POGLUT2: variants seen among roughly 807,000 people sequenced by gnomAD.
POGLUT2 encodes the protein protein O-glucosyltransferase 2, also known as ER protein 58.
In POGLUT2, 47 loss-of-function variants were observed where a neutral mutation model predicts 57.6. The observed-to-expected ratio is 0.82, with a 90% confidence interval of 0.65 to 1.04. The LOEUF is 1.04. POGLUT2 is among the 50% of genes least tolerant of loss of function. POGLUT2 has a pLI of 0.00. For synonymous variants in POGLUT2, 200 were observed against 218.8 expected (o/e 0.91, Z 0.76); for missense variants, 565 against 614.8 (o/e 0.92, Z 0.86).
chr13:102,791,189 G>A (rs749387086), intron 5 of POGLUT2, 51 bp from the exon 6 acceptor site: 1 of 1,605,962 alleles, frequency 6.2e-7, no homozygotes, highest in African/African-American at 1.3e-5. Flanking sequence ...ATATCACAAA[G>A]GTTGTTGCAA....
In POGLUT2 at chr13:102,789,343, C is replaced by T. The variant is rs1878081872; in HGVS notation, c.1084-122G>A. 11 of 754,964 alleles carry T rather than the reference C, an allele frequency of 1.5e-5. No homozygotes were observed. The South Asian group carries it at 1.7e-4, about 12-fold the overall frequency. 46.8% of individuals were successfully genotyped at this position (754,964 alleles called of 1,614,324 possible). ...AGACACAATTTGGTCAGCTTCCACG[C>T]TCTGCCTTTGCCGTTTAGTAAGTGT... On this transcript the variant is annotated intron_variant, in intron 6 of 9. Coordinates refer to ENST00000376004, the MANE Select transcript of POGLUT2 (RefSeq NM_024089.3).
intron 7 of POGLUT2, 75 bp downstream of exon 7, chr13:102,788,937 G>T (rs1270915794): frequency 2.0e-5 from 25 of 1,262,374 alleles, no homozygotes; most frequent in Non-Finnish European, 2.9e-5. Flanking sequence ...ATGCTCTCCA[G>T]GTACAATACA....
At chr13:102,797,431 T>C (rs1878453907) in intron 1 of POGLUT2, among the ~76,000 whole-genome samples, 1 of 152,188 alleles carries the variant, frequency 6.6e-6, no homozygotes, top group African/African-American at 2.4e-5. Flanking sequence ...ATATCAGTAT[T>C]ATAAATCACG....
At chr13:102,797,480 C>A (rs575900792) in intron 1 of POGLUT2, among the ~76,000 whole-genome samples, 1 of 152,304 alleles carries the variant, frequency 6.6e-6, no homozygotes, top group South Asian at 2.1e-4. Context: ...ACTATCTCAA[C>A]ATCTTGGGAG....
intron 8 of POGLUT2, among the ~76,000 whole-genome samples, chr13:102,786,700 G>A (rs1177900653): frequency 1.3e-5 from 2 of 152,110 alleles, no homozygotes; most frequent in Non-Finnish European, 2.9e-5. Flanking sequence ...GCTTGCACAA[G>A]CCTCCATCAT....
At chr13:102,788,037 C>A in intron 7 of POGLUT2, 114 bp from the exon 8 acceptor site, 1 of 571,682 alleles carries the variant, frequency 1.7e-6, no homozygotes, top group Non-Finnish European at 3.2e-6. Flanking sequence ...GAAATAATAT[C>A]TTTGGGGGTA....
Position 102,797,949 on chromosome 13 carries a change from T to C in POGLUT2, c.182+540A>G, listed in dbSNP as rs1007334433. Among the ~76,000 whole-genome samples the C allele has an allele frequency of 3.3e-5, 5 of 152,240 alleles. No homozygotes were observed. In the East Asian group the frequency reaches 9.6e-4, roughly 29 times the overall value. ...GTATAGGAATTATAAAAATAAGTTT[T>C]AAGTATGATGTTAAAGTATTAAATT... On this transcript the variant is annotated intron_variant, in intron 1 of 9. Coordinates refer to ENST00000376004, the MANE Select transcript of POGLUT2 (RefSeq NM_024089.3).
chr13:102,795,179 G>A (rs9557931), intron 2 of POGLUT2, among the ~76,000 whole-genome samples: 33,623 of 149,194 alleles, frequency 0.23, 4,119 homozygotes, highest in East Asian at 0.4. Context: ...TTGAACCCGG[G>A]AGGCAGAGCT....
At chr13:102,786,599 G>A (rs890988230) in intron 8 of POGLUT2, among the ~76,000 whole-genome samples, 4 of 150,290 alleles carry the variant, frequency 2.7e-5, no homozygotes, top group South Asian at 2.1e-4. Flanking sequence ...TTTTTTAACC[G>A]TCTTCTGCCT....
chr13:102,794,912 T>C (rs958336312), intron 2 of POGLUT2, among the ~76,000 whole-genome samples: 1 of 148,994 alleles, frequency 6.7e-6, no homozygotes, highest in African/African-American at 2.5e-5. Context: ...ACAGCAAAAA[T>C]AAACAAGGAA....
intron 9 of POGLUT2, among the ~76,000 whole-genome samples, chr13:102,785,609 G>A (rs531400088): frequency 6.6e-6 from 1 of 152,262 alleles, no homozygotes; most frequent in East Asian, 1.9e-4. Flanking sequence ...GATGATGAGA[G>A]ATTGGTTTTT....
chr13:102,793,506 T>C, intron 3 of POGLUT2, 88 bp from the exon 4 acceptor site: 4 of 1,339,426 alleles, frequency 3.0e-6, no homozygotes, highest in Non-Finnish European at 3.2e-6. Context: ...CTCATTCGAA[T>C]GATGTTTATA....
chr13:102,789,497 G>A (rs573376804), intron 6 of POGLUT2, among the ~76,000 whole-genome samples: 1 of 152,328 alleles, frequency 6.6e-6, no homozygotes, highest in African/African-American at 2.4e-5. Context: ...GCAACATAAG[G>A]AAGGATGGAT....
At chr13:102,784,581 G>A (rs537044094) in intron 9 of POGLUT2, 69 bp from the exon 10 acceptor site, 37 of 936,198 alleles carry the variant, frequency 4.0e-5, no homozygotes, top group East Asian at 3.2e-4. Context: ...ACTTACATTC[G>A]TTAATTATTT....
Position 102,798,526 on chromosome 13 carries a change from A to C in POGLUT2, c.145T>G (p.Tyr49Asp), listed in dbSNP as rs762207444. The part of the protein sequence containing the change: ...LKADVVLPAR[Y>D]FYIQAVDTSG... Reference sequence around the variant, plus strand: ...GTATCCACTGCCTGAATATAGAAATAGCGGGCGGGAAGGACGACGTCTGCT... The same window carrying C: ...GTATCCACTGCCTGAATATAGAAATCGCGGGCGGGAAGGACGACGTCTGCT... The change falls in exon 1 of 10, where the codon TAT (tyrosine) becomes GAT (aspartate). Residue 49 changes from tyrosine (Y) to aspartate (D), a missense_variant. Transcript: ENST00000376004. 2 of 1,612,224 alleles carry C rather than the reference A, an allele frequency of 1.2e-6. No individual in the cohort carries two copies. Among genetic ancestry groups the C allele is most frequent in the Non-Finnish European group, 1.7e-6 (2 of 1,179,186 alleles).
intron 4 of POGLUT2, chr13:102,792,230 A>T (rs1402171198): frequency 3.3e-6 from 1 of 307,266 alleles, no homozygotes; most frequent in African/African-American, 2.3e-5. Flanking sequence ...ATATACATGC[A>T]AATTATTCAA....
intron 1 of POGLUT2, among the ~76,000 whole-genome samples, chr13:102,797,395 A>C (rs1429194980): frequency 6.6e-6 from 1 of 152,170 alleles, no homozygotes; most frequent in East Asian, 1.9e-4. Context: ...CTTATTTTGA[A>C]AAATCTCTGC....
At chr13:102,790,533 T>C (rs1167581272) in intron 6 of POGLUT2, among the ~76,000 whole-genome samples, 6 of 152,360 alleles carry the variant, frequency 3.9e-5, no homozygotes, top group Middle Eastern at 3.4e-3. Flanking sequence ...AAGTAGTTTA[T>C]ATCTTCCTTA....
Position 102,798,802 on chromosome 13 carries a change from C to A in POGLUT2, c.-132G>T. The A allele has an allele frequency of 2.1e-6, 2 of 964,794 alleles. No homozygotes were observed. The highest frequency in any genetic ancestry group is 2.8e-5 in the East Asian group (1 of 35,290). The allele number at this position is 964,794 out of a possible 1,614,324, so 59.8% of individuals were successfully genotyped here. ...CAACGCGACTGCAAAGGTTGCCGCCCGGCGTGCAGGGCAGGCGCGCGGGTC... is the reference window on the plus strand; with the variant it reads ...CAACGCGACTGCAAAGGTTGCCGCCAGGCGTGCAGGGCAGGCGCGCGGGTC... On this transcript the variant is annotated 5_prime_UTR_variant, in exon 1 of 10. Coordinates refer to ENST00000376004, the MANE Select transcript of POGLUT2 (RefSeq NM_024089.3).
Sources: allele counts gnomAD v4.1 joint callset (sites outside exome capture counted in the v4.1 genomes callset), GRCh38; gene constraint gnomAD v4.1.1; transcripts MANE v1.5; gene names NCBI Gene and HGNC (gene_info 2026-07-23, HGNC 2026-07-21).